EHMT1: variants seen among roughly 807,000 people sequenced by gnomAD.
EHMT1 encodes the protein histone-lysine N-methyltransferase EHMT1.
A neutral mutation model predicts 147.2 loss-of-function variants in EHMT1; 15 were observed. That is an observed-to-expected ratio of 0.10 (90% CI 0.07 to 0.16). EHMT1 has a LOEUF of 0.16. Among genes scored for constraint, EHMT1 ranks in the 10% least tolerant of loss-of-function variants. EHMT1 has a pLI of 1.00. For missense variants in EHMT1, 1,587 were observed against 1,772.4 expected, an observed-to-expected ratio of 0.90 and a Z score of 1.88; for synonymous variants, 795 against 709.6, an observed-to-expected ratio of 1.12 and a Z score of -1.91.
chr9:137,710,630 A>G (rs1009779543), intron 1 of EHMT1, among the ~76,000 whole-genome samples: 1 of 152,210 alleles, frequency 6.6e-6, no homozygotes, highest in African/African-American at 2.4e-5. Flanking sequence ...AATTATTGTC[A>G]GCAGTAGAAT....
At chr9:137,809,511 C>T (rs912028050) in intron 18 of EHMT1, among the ~76,000 whole-genome samples, 20 of 152,172 alleles carry the variant, frequency 1.3e-4, no homozygotes, top group African/African-American at 4.8e-4. Flanking sequence ...GGGCCCCGAG[C>T]CTCCTCAGCC....
rs534557720 is a variant in EHMT1, at chr9:137,642,355, G to C, written c.21+23306G>C. Among the ~76,000 whole-genome samples the C allele has an allele frequency of 1.4e-4, 21 of 151,988 alleles. No homozygotes were observed. In the East Asian group the frequency reaches 3.7e-3, roughly 27 times the overall value. On this transcript the variant is annotated intron_variant, in intron 1 of 26. Coordinates refer to ENST00000460843, the MANE Select transcript of EHMT1 (RefSeq NM_024757.5). Reference sequence around the variant, plus strand: ...TGTTGCCCAGGCTGGAGCGCAGTGAGTATTCATAGGCATGATCATAGTGCA... The same window carrying C: ...TGTTGCCCAGGCTGGAGCGCAGTGACTATTCATAGGCATGATCATAGTGCA...
chr9:137,766,712 C>T (rs1950242497), intron 10 of EHMT1, among the ~76,000 whole-genome samples: 1 of 152,220 alleles, frequency 6.6e-6, no homozygotes, highest in Admixed American at 6.5e-5. Context: ...TTAATGTTTG[C>T]ACCGTACGTC....
At chr9:137,717,316 G>T (rs1468327651) in intron 3 of EHMT1, 134 bp downstream of exon 3, 3 of 1,201,870 alleles carry the variant, frequency 2.5e-6, no homozygotes, top group South Asian at 1.3e-5. Context: ...GAGGAGCTAG[G>T]AGAAGGCCGG....
In EHMT1 at chr9:137,795,401, GCACACA is replaced by G. The variant is rs554055210; in HGVS notation, c.2506-3390_2506-3385del. Among the ~76,000 whole-genome samples, 249 of 130,282 alleles carry G rather than the reference GCACACA, an allele frequency of 1.9e-3. 8 individuals are homozygous for G. In the East Asian group the frequency reaches 0.048, roughly 25 times the overall value. 85.5% of individuals were successfully genotyped at this position (130,282 alleles called of 152,430 possible). A position where few individuals can be genotyped will look rare whatever the true frequency, so the allele number is the denominator to read the frequency against. On this transcript the variant is annotated intron_variant, in intron 16 of 26. Transcript: ENST00000460843. ...CCAGGACACCATCCTATCGCAGGGT[GCACACA>G]CACACACACACACACACACACTCTC...
chr9:137,781,069 C>T (rs377204461), intron 14 of EHMT1, among the ~76,000 whole-genome samples: 460 of 55,526 alleles, frequency 8.3e-3, no homozygotes, highest in Middle Eastern at 0.022. Context: ...GTGATGACGC[C>T]GGGATGTGTG....
At chr9:137,815,801 C>T (rs994559737) in intron 22 of EHMT1, 146 bp from the exon 23 acceptor site, 2 of 726,272 alleles carry the variant, frequency 2.8e-6, no homozygotes, top group African/African-American at 1.7e-5. Flanking sequence ...GGAGTTTTTC[C>T]CTAGGTGGGT....
intron 1 of EHMT1, among the ~76,000 whole-genome samples, chr9:137,664,069 T>C (rs946957506): frequency 6.6e-6 from 1 of 152,062 alleles, no homozygotes; most frequent in African/African-American, 2.4e-5. Flanking sequence ...CCAAGAGGTA[T>C]GTACTTTTTT....
intron 1 of EHMT1, among the ~76,000 whole-genome samples, chr9:137,623,335 A>G (rs953813631): frequency 2.0e-5 from 3 of 151,836 alleles, no homozygotes; most frequent in African/African-American, 7.3e-5. Context: ...CCTCCTGGTG[A>G]TGGAACACAC....
At chr9:137,793,409 G>T (rs910455786) in intron 16 of EHMT1, among the ~76,000 whole-genome samples, 6 of 152,244 alleles carry the variant, frequency 3.9e-5, no homozygotes, top group Non-Finnish European at 7.3e-5. Flanking sequence ...CTCAGAGGAT[G>T]TGGCAATATC....
intron 3 of EHMT1, among the ~76,000 whole-genome samples, chr9:137,725,241 T>C (rs1946510567): frequency 7.0e-6 from 1 of 142,294 alleles, no homozygotes; most frequent in Non-Finnish European, 1.5e-5. Flanking sequence ...GTGGGGCAGA[T>C]GTGGGGCAGA....
At position 137,745,728 on chromosome 9, in the gene EHMT1, T is replaced by G. The variant is rs1448280891; in HGVS notation, c.1170+1638T>G. 3 of 394,742 alleles carry G rather than the reference T, an allele frequency of 7.6e-6. No individual in the cohort carries two copies. In the Admixed American group the frequency reaches 1.3e-4, roughly 17 times the overall value. 24.5% of individuals were successfully genotyped at this position (394,742 alleles called of 1,614,324 possible). On this transcript the variant is annotated intron_variant, in intron 6 of 26. Coordinates refer to ENST00000460843, the MANE Select transcript of EHMT1 (RefSeq NM_024757.5). The stretch of plus-strand genomic sequence containing the variant: ...TCTTTCTGTCAAGTTACAAGGGGTA[T>G]TCAGTGTCACAGTTTTGCTGAGTAT...
chr9:137,628,400 T>G (rs925031834), intron 1 of EHMT1, among the ~76,000 whole-genome samples: 1 of 152,222 alleles, frequency 6.6e-6, no homozygotes, highest in African/African-American at 2.4e-5. Context: ...AATCAATTTT[T>G]CTTTTTTTAA....
At chr9:137,705,214 A>G (rs532662305) in intron 1 of EHMT1, among the ~76,000 whole-genome samples, 1 of 152,194 alleles carries the variant, frequency 6.6e-6, no homozygotes, top group East Asian at 1.9e-4. Flanking sequence ...GCTGGTCTTG[A>G]ACTCCTGAGC....
chr9:137,671,681 T>G (rs964856140), intron 1 of EHMT1, among the ~76,000 whole-genome samples: 1 of 152,036 alleles, frequency 6.6e-6, no homozygotes, highest in African/African-American at 2.4e-5. Context: ...TGTGCCACCA[T>G]GCCCAGCTAA....
At chr9:137,692,247 TTTTCTTTC>T (rs200346564) in intron 1 of EHMT1, among the ~76,000 whole-genome samples, 7 of 148,200 alleles carry the variant, frequency 4.7e-5, no homozygotes, top group African/African-American at 1.0e-4. Flanking sequence ...CTTTTTTTTC[TTTTCTTTC>T]TTTCTTTCTT....
rs1472402276 is a variant in EHMT1 at position 137,834,763 on chromosome 9, C to T, written c.3717-10C>T. 1 of 1,613,346 alleles carries T rather than the reference C, an allele frequency of 6.2e-7. No homozygotes were observed. The highest frequency in any genetic ancestry group is 1.3e-5 in the African/African-American group (1 of 74,918). ...TTCGACTTGGAGCCTTGGTTCTGTTCCCTCCCCAGGTTTGACTATGGAGAG... is the reference window on the plus strand; with the variant it reads ...TTCGACTTGGAGCCTTGGTTCTGTTTCCTCCCCAGGTTTGACTATGGAGAG... On this transcript the variant is annotated splice_polypyrimidine_tract_variant and intron_variant, in intron 26 of 26. Coordinates refer to ENST00000460843, the MANE Select transcript of EHMT1 (RefSeq NM_024757.5).
intron 1 of EHMT1, among the ~76,000 whole-genome samples, chr9:137,709,318 C>T (rs747540448): frequency 2.0e-5 from 3 of 152,102 alleles, no homozygotes; most frequent in Non-Finnish European, 2.9e-5. Flanking sequence ...TCTGCATGTT[C>T]GAGGGCTGGC....
Position 137,776,816 on chromosome 9 carries a change from G to A in EHMT1, c.1990G>A (p.Glu664Lys). Reference protein sequence around the residue: ...VPGQEKGSALEGRADTTTGSA... With the variant: ...VPGQEKGSALKGRADTTTGSA... Reference sequence around the variant, plus strand: ...CGGGCAGGAGAAGGGCTCGGCCCTGGAGGGCAGGGCCGACACCACAACGGG... The same window carrying A: ...CGGGCAGGAGAAGGGCTCGGCCCTGAAGGGCAGGGCCGACACCACAACGGG... Residue 664 changes from glutamate (E) to lysine (K), a missense_variant, in exon 12 of 27, where the codon GAG becomes AAG. Physicochemically the swap from Glu to Lys is moderately conservative, Grantham distance 56. Transcript: ENST00000460843. The surrounding 1 kb of genome is among the most constrained non-coding windows in gnomAD (Gnocchi z 4.4). The A allele has an allele frequency of 6.2e-7, 1 of 1,613,970 alleles. No homozygotes were observed. Among genetic ancestry groups the A allele is most frequent in the Non-Finnish European group, 8.5e-7 (1 of 1,180,016 alleles).
Sources: allele counts gnomAD v4.1 joint callset (sites outside exome capture counted in the v4.1 genomes callset), GRCh38; gene constraint gnomAD v4.1.1; non-coding constraint Gnocchi (gnomAD v3.1); transcripts MANE v1.5; gene names NCBI Gene and HGNC (gene_info 2026-07-23, HGNC 2026-07-21).